The following EPHA6 variants were observed in gnomAD, a reference collection of about 807,000 sequenced individuals.
EPHA6 encodes EPH receptor A6.
In EPHA6, 50 loss-of-function variants were observed where a neutral mutation model predicts 112.0. That is an observed-to-expected ratio of 0.45 (90% CI 0.36 to 0.56). EPHA6 has a LOEUF of 0.56. Among genes scored for constraint, EPHA6 ranks in the 20% least tolerant of loss-of-function variants. The pLI is 0.00. For synonymous variants in EPHA6, 529 were observed against 490.7 expected, an observed-to-expected ratio of 1.08 and a Z score of -1.03; for missense variants, 1,280 against 1,417.4, an observed-to-expected ratio of 0.90 and a Z score of 1.56.
intron 2 of EPHA6, among the ~76,000 whole-genome samples, chr3:96,919,046 A>G (rs1332663996): frequency 1.3e-5 from 2 of 152,018 alleles, no homozygotes; most frequent in Non-Finnish European, 2.9e-5. Flanking sequence ...TCTTTAAGAC[A>G]AATTTTGTTG....
chr3:97,493,712 G>A (rs187875431), intron 10 of EPHA6, among the ~76,000 whole-genome samples: 91 of 152,174 alleles, frequency 6.0e-4, no homozygotes, highest in South Asian at 2.1e-4. Context: ...GTGTCTTCAT[G>A]AGTAAATTTT....
intron 2 of EPHA6, among the ~76,000 whole-genome samples, chr3:96,902,999 G>A (rs531313021): frequency 1.3e-5 from 2 of 152,186 alleles, no homozygotes; most frequent in Non-Finnish European, 2.9e-5. Flanking sequence ...ATAAATAACT[G>A]TAATGTAATA....
At chr3:97,664,482 A>T (rs1350667945) in intron 14 of EPHA6, among the ~76,000 whole-genome samples, 2 of 152,174 alleles carry the variant, frequency 1.3e-5, no homozygotes, top group African/African-American at 4.8e-5. Context: ...GCAATCAGGC[A>T]GGAGAAAGAA....
intron 3 of EPHA6, among the ~76,000 whole-genome samples, chr3:97,033,680 A>C (rs184005540): frequency 6.6e-5 from 10 of 152,078 alleles, no homozygotes; most frequent in African/African-American, 2.2e-4. Flanking sequence ...TCAGATTTAA[A>C]AACGAATCCT....
intron 3 of EPHA6, among the ~76,000 whole-genome samples, chr3:97,017,667 G>C (rs1292733554): frequency 6.6e-6 from 1 of 152,162 alleles, no homozygotes; most frequent in Non-Finnish European, 1.5e-5. Flanking sequence ...AGATGTATTG[G>C]AGCTCCATTG....
At chr3:96,952,235 C>T (rs75261331) in intron 2 of EPHA6, among the ~76,000 whole-genome samples, 4,781 of 152,158 alleles carry the variant, frequency 0.031, 107 homozygotes, top group South Asian at 0.067. Flanking sequence ...TGCCTAGCAC[C>T]GAATAGCTGT....
intron 2 of EPHA6, among the ~76,000 whole-genome samples, chr3:96,935,338 T>C (rs2107667561): frequency 6.6e-6 from 1 of 151,876 alleles, no homozygotes; most frequent in Non-Finnish European, 1.5e-5. Flanking sequence ...TATTCCAGGA[T>C]ACAATATTAT....
chr3:97,253,236 G>A (rs1001423624), intron 5 of EPHA6, among the ~76,000 whole-genome samples: 136 of 152,154 alleles, frequency 8.9e-4, no homozygotes, highest in African/African-American at 2.8e-3. Context: ...GATATGACAG[G>A]CGGTGAATGT....
intron 14 of EPHA6, among the ~76,000 whole-genome samples, chr3:97,647,757 C>T (rs1284553830): frequency 6.6e-6 from 1 of 152,110 alleles, no homozygotes; most frequent in Non-Finnish European, 1.5e-5. Flanking sequence ...CTGAGTTTGA[C>T]ACACATTCAC....
intron 11 of EPHA6, among the ~76,000 whole-genome samples, chr3:97,588,213 C>T (rs1463677805): frequency 2.0e-5 from 3 of 152,124 alleles, no homozygotes; most frequent in Non-Finnish European, 4.4e-5. Context: ...GTATACCCCC[C>T]TGCCCAATTT....
At chr3:97,384,812 A>C (rs2085963467) in intron 5 of EPHA6, among the ~76,000 whole-genome samples, 1 of 152,176 alleles carries the variant, frequency 6.6e-6, no homozygotes, top group Admixed American at 6.5e-5. Flanking sequence ...AGTTGACTAT[A>C]GAATATTTTC....
intron 5 of EPHA6, among the ~76,000 whole-genome samples, chr3:97,398,118 A>T (rs1388333663): frequency 2.0e-5 from 3 of 151,464 alleles, no homozygotes; most frequent in Non-Finnish European, 4.4e-5. Context: ...TCATTCTTTT[A>T]TGCTGTGGCT....
At chr3:97,092,977 T>C (rs1385833634) in intron 3 of EPHA6, among the ~76,000 whole-genome samples, 1 of 151,888 alleles carries the variant, frequency 6.6e-6, no homozygotes, top group African/African-American at 2.4e-5. Context: ...TTGTGTAGGG[T>C]CTCAAATCCA....
chr3:97,694,639 G>C (rs2032909737), intron 14 of EPHA6, among the ~76,000 whole-genome samples: 1 of 152,132 alleles, frequency 6.6e-6, no homozygotes, highest in African/African-American at 2.4e-5. Context: ...ATCTGTCCTT[G>C]GAAGTCACTT....
At chr3:97,116,629 T>A (rs931139053) in intron 3 of EPHA6, among the ~76,000 whole-genome samples, 2 of 151,744 alleles carry the variant, frequency 1.3e-5, no homozygotes, top group Non-Finnish European at 3.0e-5. Flanking sequence ...CTTAGCATAA[T>A]GTCCTCCAGG....
chr3:97,270,659 T>C (rs2079847661), intron 5 of EPHA6, among the ~76,000 whole-genome samples: 1 of 152,198 alleles, frequency 6.6e-6, no homozygotes, highest in South Asian at 2.1e-4. Flanking sequence ...TCATAACCAG[T>C]CAGAAGTGCA....
intron 2 of EPHA6, among the ~76,000 whole-genome samples, chr3:96,954,339 C>A (rs2041672123): frequency 6.6e-6 from 1 of 152,268 alleles, no homozygotes; most frequent in South Asian, 2.1e-4. Context: ...AAAAGCCTGC[C>A]ACAGCTTTGG....
chr3:96,969,499 G>T (rs1434391322), intron 2 of EPHA6, among the ~76,000 whole-genome samples: 2 of 151,762 alleles, frequency 1.3e-5, no homozygotes, highest in African/African-American at 4.8e-5. Flanking sequence ...AAATATGAAG[G>T]TCTAATATAT....
chr3:97,481,389 A>G lies in EPHA6; in HGVS notation c.2074+2025A>G, dbSNP rs1472236182. Reference sequence around the variant, plus strand: ...TGAGAAGGAGTTTCTACTCCCTGAAATTTTTTGCTGTGGGTTTTATCTGTT... The same window carrying G: ...TGAGAAGGAGTTTCTACTCCCTGAAGTTTTTTGCTGTGGGTTTTATCTGTT... On this transcript the variant is annotated intron_variant, in intron 9 of 17. Transcript: ENST00000389672. The G allele has an allele frequency of 4.5e-5, 67 of 1,501,858 alleles. No homozygotes were observed. In the South Asian group the frequency reaches 6.4e-4, roughly 14 times the overall value. 93.0% of individuals were successfully genotyped at this position (1,501,858 alleles called of 1,614,324 possible).
Sources: gnomAD v4.1 joint callset for allele counts (sites outside exome capture counted in the v4.1 genomes callset) on GRCh38, gnomAD v4.1.1 for gene constraint, MANE v1.5 for transcripts, NCBI Gene and HGNC (gene_info 2026-07-23, HGNC 2026-07-21) for gene names.